Variants in TULP4 observed in about 807,000 individuals in gnomAD.
The protein encoded by TULP4 is TUB like protein 4, also known as tubby-related protein 4.
A neutral mutation model predicts 129.0 loss-of-function variants in TULP4; 16 were observed. The ratio of observed to expected loss-of-function variants is 0.12; its 90% CI spans 0.08 to 0.19. The LOEUF (loss-of-function observed/expected upper bound fraction) is 0.19. Among genes scored for constraint, TULP4 ranks in the 10% least tolerant of loss-of-function variants. The pLI, the probability that TULP4 is intolerant of heterozygous loss-of-function variation, is 1.00. For synonymous variants in TULP4, 998 were observed against 854.0 expected (o/e 1.17, Z -2.94); for missense variants, 1,842 against 2,059.1 (o/e 0.89, Z 2.04).
At chr6:158,498,380 A>G (rs1780374842) in intron 11 of TULP4, among the ~76,000 whole-genome samples, 1 of 152,246 alleles carries the variant, frequency 6.6e-6, no homozygotes, top group South Asian at 2.1e-4. Context: ...ATTTGTGTCT[A>G]AAATGTTTTT....
intron 2 of TULP4, among the ~76,000 whole-genome samples, chr6:158,416,395 C>T (rs958055271): frequency 1.3e-5 from 2 of 152,032 alleles, no homozygotes; most frequent in Non-Finnish European, 2.9e-5. Flanking sequence ...TATGAATGAT[C>T]CTGACCGGGT....
intron 1 of TULP4, among the ~76,000 whole-genome samples, chr6:158,264,540 C>G (rs1778415208): frequency 6.6e-6 from 1 of 152,040 alleles, no homozygotes; most frequent in South Asian, 2.1e-4. Flanking sequence ...TGGGGGAAGG[C>G]TTGGTGGGCA....
intron 5 of TULP4, among the ~76,000 whole-genome samples, chr6:158,459,234 C>G (rs1252523718): frequency 6.6e-6 from 1 of 152,106 alleles, no homozygotes; most frequent in East Asian, 1.9e-4. Flanking sequence ...AAGTTGAGAC[C>G]AGCCTGACCA....
In TULP4 at chr6:158,413,050, T is replaced by G. The variant is rs771047676; in HGVS notation, c.253-15T>G. ...TTTATTTCCTGTGGTAAATGTCTTC[T>G]TGGTGGTTTTCTAGGTTGTGCTGGT... is the stretch of plus-strand genomic sequence containing the variant. On this transcript the variant is annotated splice_polypyrimidine_tract_variant and intron_variant, in intron 1 of 13. Transcript: ENST00000367097. The surrounding 1 kb of genome is among the most constrained non-coding windows in gnomAD (Gnocchi z 4.9). The G allele has an allele frequency of 6.2e-7, 1 of 1,602,118 alleles. No homozygotes were observed. The highest frequency in any genetic ancestry group is 1.7e-5 in the Admixed American group (1 of 58,070).
chr6:158,271,294 A>G lies in TULP4; in HGVS notation n.68+38991A>G, dbSNP rs559286012. On this transcript the variant is annotated intron_variant and non_coding_transcript_variant, in intron 1 of 1. Transcript: ENST00000620026. ...AAGAAAGCATTTAAAGGCCAAGTTA[A>G]GTGGGTGCCTAACCAAAATAGGTCC... 3.3e-4 allele frequency among the ~76,000 whole-genome samples: 50 copies of G among 152,234 alleles called. 1 individual carries two copies. Among genetic ancestry groups the G allele is most frequent in the Admixed American group, 2.1e-3 (32 of 15,282 alleles).
At chr6:158,431,467 C>CT (rs1778626830) in intron 3 of TULP4, among the ~76,000 whole-genome samples, 1 of 152,204 alleles carries the variant, frequency 6.6e-6, no homozygotes, top group South Asian at 2.1e-4. Flanking sequence ...CCCCAGCAGA[C>CT]TGTGCACATG....
At chr6:158,242,422 G>T (rs1006227205) in intron 1 of TULP4, 2 of 1,216,548 alleles carry the variant, frequency 1.6e-6, no homozygotes, top group Non-Finnish European at 2.4e-6. Flanking sequence ...TTTCGGACGA[G>T]ATCTCTTTAT....
intron 6 of TULP4, among the ~76,000 whole-genome samples, chr6:158,470,443 C>T (rs1317698858): frequency 6.6e-6 from 1 of 152,268 alleles, no homozygotes; most frequent in Admixed American, 6.5e-5. Context: ...GTCCCTCCTG[C>T]TGTGCTCTCA....
intron 1 of TULP4, among the ~76,000 whole-genome samples, chr6:158,258,173 A>C (rs1167558610): frequency 1.3e-5 from 2 of 152,212 alleles, no homozygotes; most frequent in Non-Finnish European, 2.9e-5. Flanking sequence ...AATTCGTTGG[A>C]AGGATTCTGG....
chr6:158,429,085 G>A (rs1778569842), intron 2 of TULP4, among the ~76,000 whole-genome samples: 1 of 152,018 alleles, frequency 6.6e-6, no homozygotes. Flanking sequence ...TAGGCTCAAG[G>A]AATCCTCCCA....
intron 1 of TULP4, among the ~76,000 whole-genome samples, chr6:158,289,180 A>G (rs1435609120): frequency 2.0e-5 from 3 of 152,154 alleles, no homozygotes; most frequent in Non-Finnish European, 2.9e-5. Flanking sequence ...CTCATTTCAT[A>G]TGTTATCTAA....
In TULP4 at chr6:158,266,606, C is replaced by T. The variant is rs546906671; in HGVS notation, n.68+34303C>T. 3.9e-5 allele frequency among the ~76,000 whole-genome samples: 6 copies of T among 151,978 alleles called. No homozygotes were observed. The South Asian group carries it at 1.2e-3, about 32-fold the overall frequency. Reference sequence around the variant, plus strand: ...AAGTATATAGTTGGCTCTACATATCCGCAGGTTCTGCATGTGAGGACTGAA... The same window carrying T: ...AAGTATATAGTTGGCTCTACATATCTGCAGGTTCTGCATGTGAGGACTGAA... On this transcript the variant is annotated intron_variant and non_coding_transcript_variant, in intron 1 of 1. Coordinates refer to the TULP4 transcript ENST00000620026.
At chr6:158,244,182 C>T (rs1372725026) in intron 1 of TULP4, among the ~76,000 whole-genome samples, 1 of 152,130 alleles carries the variant, frequency 6.6e-6, no homozygotes, top group Non-Finnish European at 1.5e-5. Context: ...CTGAGTCCTT[C>T]TGACACGTCT....
intron 1 of TULP4, among the ~76,000 whole-genome samples, chr6:158,316,300 T>C (rs1396403296): frequency 1.3e-5 from 2 of 152,288 alleles, no homozygotes; most frequent in East Asian, 1.9e-4. Flanking sequence ...TTCTAAGTCA[T>C]AGTGTTGCAT....
At chr6:158,464,641 C>T (rs912362861) in intron 6 of TULP4, among the ~76,000 whole-genome samples, 4 of 152,272 alleles carry the variant, frequency 2.6e-5, no homozygotes, top group Non-Finnish European at 5.9e-5. Context: ...CCTTGTGATC[C>T]GCCCTCCTCG....
At chr6:158,253,677 A>G (rs555261679) in intron 1 of TULP4, among the ~76,000 whole-genome samples, 1 of 152,062 alleles carries the variant, frequency 6.6e-6, no homozygotes, top group Non-Finnish European at 1.5e-5. Context: ...TAACTAAAAC[A>G]CTTTTTTTGA....
Position 158,501,763 on chromosome 6 carries a change from T to G in TULP4, c.2100T>G (p.Ala700=). The G allele has an allele frequency of 6.2e-7, 1 of 1,614,156 alleles. No individual in the cohort carries two copies. The highest frequency in any genetic ancestry group is 8.5e-7 in the Non-Finnish European group (1 of 1,180,016). The change falls in exon 13 of 14, where the codon GCT becomes GCG. Residue 700 remains alanine, a synonymous_variant. Coordinates refer to ENST00000367097, the MANE Select transcript of TULP4 (RefSeq NM_020245.5). The part of the protein sequence containing the change: ...PIAPIHSSAQ[A]MSPTQSIGLV... ...CACCGATCCACAGCTCGGCTCAGGCTATGTCCCCCACGCAGAGCATAGGGC... is the reference window on the plus strand; with the variant it reads ...CACCGATCCACAGCTCGGCTCAGGCGATGTCCCCCACGCAGAGCATAGGGC...
At chr6:158,401,985 A>G (rs749944008) in intron 1 of TULP4, among the ~76,000 whole-genome samples, 1 of 152,216 alleles carries the variant, frequency 6.6e-6, no homozygotes, top group Non-Finnish European at 1.5e-5. Flanking sequence ...AGCTCTACAA[A>G]TAAGTGCTGG....
At chr6:158,307,055 C>G (rs1030392494) in intron 1 of TULP4, among the ~76,000 whole-genome samples, 1 of 152,060 alleles carries the variant, frequency 6.6e-6, no homozygotes, top group Non-Finnish European at 1.5e-5. Context: ...AAAATATTCC[C>G]TAATTTATTA....
Sources: allele counts gnomAD v4.1 joint callset (sites outside exome capture counted in the v4.1 genomes callset), GRCh38; gene constraint gnomAD v4.1.1; non-coding constraint Gnocchi (gnomAD v3.1); transcripts MANE v1.5; gene names NCBI Gene and HGNC (gene_info 2026-07-23, HGNC 2026-07-21).